Variants in SLC39A12 observed in about 807,000 individuals in gnomAD.
SLC39A12 encodes the protein zinc transporter ZIP12.
Under a neutral mutation model 71.1 loss-of-function variants are expected in SLC39A12, and 63 were observed. The observed-to-expected ratio is 0.89, with a 90% confidence interval of 0.72 to 1.09. The LOEUF is 1.09. Among genes scored for constraint, SLC39A12 ranks in the 50% least tolerant of loss-of-function variants. The pLI is 0.00. For synonymous variants in SLC39A12, 351 were observed against 301.3 expected (o/e 1.16, Z -1.71); for missense variants, 892 against 812.6 (o/e 1.10, Z -1.19).
intron 12 of SLC39A12, among the ~76,000 whole-genome samples, chr10:18,032,237 G>A (rs1836869649): frequency 8.0e-6 from 1 of 125,172 alleles, no homozygotes; most frequent in South Asian, 2.6e-4. Flanking sequence ...AATAACCTTG[G>A]GCAGTATGGC....
intron 3 of SLC39A12, among the ~76,000 whole-genome samples, chr10:17,964,836 G>T (rs2130783861): frequency 6.6e-6 from 1 of 152,266 alleles, no homozygotes; most frequent in East Asian, 1.9e-4. Flanking sequence ...CTTAAAGCGG[G>T]GAGAGAAACA....
chr10:17,978,143 TTAGAGTTGTAG>T, intron 5 of SLC39A12, 69 bp downstream of exon 5: 1 of 1,325,766 alleles, frequency 7.5e-7, no homozygotes, highest in Non-Finnish European at 1.0e-6. Context: ...GAAAGTTTTA[TTAGAGTTGTAG>T]AAAACTTAAA....
chr10:17,962,916 G>T (rs995608425), intron 3 of SLC39A12, among the ~76,000 whole-genome samples: 1 of 152,162 alleles, frequency 6.6e-6, no homozygotes, highest in Non-Finnish European at 1.5e-5. Flanking sequence ...AACACTTTGG[G>T]AGGCTGAGGC....
intron 4 of SLC39A12, among the ~76,000 whole-genome samples, chr10:17,972,706 A>G (rs891557388): frequency 6.0e-5 from 9 of 151,088 alleles, no homozygotes; most frequent in African/African-American, 2.2e-4. Context: ...CTGTCCCTTT[A>G]TTTTTAGTCT....
In SLC39A12 at chr10:18,024,400, T is replaced by C. The variant is rs1466365521; in HGVS notation, c.1948-18305T>C. Among the ~76,000 whole-genome samples, 10 of 152,232 alleles carry C rather than the reference T, an allele frequency of 6.6e-5. No homozygotes were observed. The East Asian group carries it at 1.9e-3, about 29-fold the overall frequency. ...GGGATCTCCTGTGCCCAGGGTTGCA[T>C]AGGTCCATGGAAGAAGAGTGGGTCC... On this transcript the variant is annotated intron_variant, in intron 12 of 12. Transcript: ENST00000377369.
intron 5 of SLC39A12, among the ~76,000 whole-genome samples, chr10:17,980,055 G>A (rs74118071): frequency 0.02 from 2,977 of 152,232 alleles, 98 homozygotes; most frequent in African/African-American, 0.064. Flanking sequence ...AAGGTTGTGG[G>A]CAAAGATCAT....
intron 1 of SLC39A12, 36 bp downstream of exon 1, chr10:17,952,061 C>T (rs1170861060): frequency 2.6e-5 from 2 of 77,036 alleles, no homozygotes; most frequent in African/African-American, 5.0e-5. Context: ...GCATCATCCT[C>T]TGTCACTTTT....
At chr10:18,004,818 T>A (rs1160842456) in intron 12 of SLC39A12, among the ~76,000 whole-genome samples, 2 of 152,036 alleles carry the variant, frequency 1.3e-5, no homozygotes, top group Non-Finnish European at 2.9e-5. Flanking sequence ...AGACATGGAA[T>A]CAACCCAAGT....
At chr10:18,041,862 C>T (rs1354722945) in intron 12 of SLC39A12, among the ~76,000 whole-genome samples, 2 of 144,700 alleles carry the variant, frequency 1.4e-5, no homozygotes, top group Non-Finnish European at 3.0e-5. Context: ...TATGTACATA[C>T]ATATGTATAT....
intron 12 of SLC39A12, chr10:18,009,805 C>A (rs1589246109): frequency 6.6e-6 from 1 of 152,272 alleles, no homozygotes; most frequent in East Asian, 1.9e-4. Context: ...TTAAGATCTT[C>A]TACCTTTAAA....
intron 4 of SLC39A12, among the ~76,000 whole-genome samples, chr10:17,972,191 A>G (rs1834992029): frequency 6.6e-6 from 1 of 152,172 alleles, no homozygotes; most frequent in African/African-American, 2.4e-5. Flanking sequence ...GTGGTCAGAG[A>G]AGATGCTTGA....
At chr10:17,979,264 A>C (rs1271200625) in intron 5 of SLC39A12, among the ~76,000 whole-genome samples, 1 of 152,204 alleles carries the variant, frequency 6.6e-6, no homozygotes, top group Non-Finnish European at 1.5e-5. Flanking sequence ...GTGATTTCAG[A>C]AGAAATTTAC....
chr10:18,003,235 AAGCTCCCT>A lies in SLC39A12; in HGVS notation c.1826_1833del (p.Ser609AsnfsTer15), dbSNP rs1386648957. 3 of 1,614,012 alleles carry A rather than the reference AAGCTCCCT, an allele frequency of 1.9e-6. No homozygotes were observed. The highest frequency in any genetic ancestry group is 2.5e-6 in the Non-Finnish European group (3 of 1,180,018). ...AGACTGCCATCCTGATGAATTTTATAAGCTCCCTAACTGCCTTCATGGGATTATACATT... is the reference window on the plus strand; with the variant it reads ...AGACTGCCATCCTGATGAATTTTATAAACTGCCTTCATGGGATTATACATT... On this transcript the variant is annotated frameshift_variant, in exon 12 of 13. Coordinates refer to ENST00000377369, the MANE Select transcript of SLC39A12 (RefSeq NM_001145195.2). LOFTEE classifies it high-confidence loss of function.
intron 4 of SLC39A12, among the ~76,000 whole-genome samples, chr10:17,973,843 A>G (rs753855125): frequency 6.8e-6 from 1 of 148,028 alleles, no homozygotes; most frequent in Admixed American, 6.8e-5. Flanking sequence ...CTCTCTCCCC[A>G]TCTCCTCTTT....
chr10:17,964,644 T>A (rs1188526693), intron 3 of SLC39A12, among the ~76,000 whole-genome samples: 1 of 152,202 alleles, frequency 6.6e-6, no homozygotes, highest in East Asian at 1.9e-4. Context: ...AGGTCCTGTG[T>A]CCTCTGGGAG....
chr10:17,964,665 A>G (rs1208109081), intron 3 of SLC39A12, among the ~76,000 whole-genome samples: 3 of 152,210 alleles, frequency 2.0e-5, no homozygotes, highest in Admixed American at 1.3e-4. Flanking sequence ...TTCAAAGAAC[A>G]TGGACAGTGT....
chr10:18,001,019 A>T (rs1835818564), intron 11 of SLC39A12, among the ~76,000 whole-genome samples, 194 bp downstream of exon 11: 1 of 152,048 alleles, frequency 6.6e-6, no homozygotes, highest in South Asian at 2.1e-4. Flanking sequence ...ATCCAGTTAA[A>T]CTCCTTTATG....
intron 3 of SLC39A12, 24 bp downstream of exon 3, chr10:17,961,886 G>A: frequency 6.2e-7 from 1 of 1,600,660 alleles, no homozygotes; most frequent in Non-Finnish European, 8.5e-7. Context: ...ATTGCTAACT[G>A]GCTCTGCTGC....
rs372409849 is a variant in SLC39A12, at chr10:18,029,891, G to C, written c.1948-12814G>C. Reference sequence around the variant, plus strand: ...TCAAAATTGACTGGCTAAAATGATGGAAAAAATATATACATATATGGAGAT... The same window carrying C: ...TCAAAATTGACTGGCTAAAATGATGCAAAAAATATATACATATATGGAGAT... On this transcript the variant is annotated intron_variant, in intron 12 of 12. Coordinates refer to ENST00000377369, the MANE Select transcript of SLC39A12 (RefSeq NM_001145195.2). 4.0e-5 allele frequency among the ~76,000 whole-genome samples: 6 copies of C among 150,986 alleles called. No homozygotes were observed. The South Asian group carries it at 8.5e-4, about 21-fold the overall frequency.
Sources: allele counts gnomAD v4.1 joint callset (sites outside exome capture counted in the v4.1 genomes callset), GRCh38; gene constraint gnomAD v4.1.1; transcripts MANE v1.5; gene names NCBI Gene and HGNC (gene_info 2026-07-23, HGNC 2026-07-21).